The following ADAMTS16 variants were observed in gnomAD, a reference collection of about 807,000 sequenced individuals.
ADAMTS16 encodes the protein A disintegrin and metalloproteinase with thrombospondin motifs 16.
A neutral mutation model predicts 145.8 loss-of-function variants in ADAMTS16; 94 were observed. The observed-to-expected ratio is 0.64, with a 90% CI of 0.55 to 0.77. The LOEUF is 0.77. Among genes scored for constraint, ADAMTS16 ranks in the 30% least tolerant of loss-of-function variants. The probability of loss-of-function intolerance (pLI) is 0.00; values close to 1 mark genes in which losing one functional copy is unlikely to be tolerated. For missense variants in ADAMTS16, 1,585 were observed against 1,591.5 expected (o/e 1.00, Z 0.07); for synonymous variants, 659 against 604.3 (o/e 1.09, Z -1.33).
intron 18 of ADAMTS16, among the ~76,000 whole-genome samples, chr5:5,300,949 G>C (rs1739742704): frequency 6.6e-6 from 1 of 152,158 alleles, no homozygotes; most frequent in Non-Finnish European, 1.5e-5. Context: ...TTCTTACTTA[G>C]ATATCTGTAT....
At chr5:5,184,825 G>A (rs780403064) in intron 4 of ADAMTS16, among the ~76,000 whole-genome samples, 2 of 152,084 alleles carry the variant, frequency 1.3e-5, no homozygotes, top group Non-Finnish European at 2.9e-5. Context: ...CCCCAATACT[G>A]AGGGCCTGTA....
intron 22 of ADAMTS16, 78 bp from the exon 23 acceptor site, chr5:5,318,945 G>T (rs1275302018): frequency 9.0e-7 from 1 of 1,114,398 alleles, no homozygotes; most frequent in Non-Finnish European, 1.3e-6. Flanking sequence ...GCTTTTATTT[G>T]CCAGACAGAG....
intron 3 of ADAMTS16, among the ~76,000 whole-genome samples, chr5:5,174,279 C>T (rs1435798037): frequency 6.6e-6 from 1 of 152,130 alleles, no homozygotes; most frequent in Non-Finnish European, 1.5e-5. Flanking sequence ...GCCACTCTTT[C>T]CTGGCCTGTA....
intron 18 of ADAMTS16, among the ~76,000 whole-genome samples, chr5:5,297,208 T>C (rs1377165700): frequency 6.6e-6 from 1 of 152,136 alleles, no homozygotes; most frequent in East Asian, 1.9e-4. Flanking sequence ...TGGATGCCCT[T>C]TACCCACGAG....
chr5:5,229,241 T>C (rs568262644), intron 11 of ADAMTS16, among the ~76,000 whole-genome samples: 1 of 136,866 alleles, frequency 7.3e-6, no homozygotes, highest in East Asian at 2.1e-4. Context: ...GAGCTTGCAG[T>C]GAGCCGAGAT....
intron 2 of ADAMTS16, chr5:5,142,075 A>C: frequency 6.6e-6 from 1 of 152,158 alleles, no homozygotes; most frequent in East Asian, 1.9e-4. Context: ...AAAAAAAAAA[A>C]AAAAATTCTA....
intron 3 of ADAMTS16, among the ~76,000 whole-genome samples, chr5:5,161,982 A>ATG (rs1553986845): frequency 6.6e-6 from 1 of 152,150 alleles, no homozygotes; most frequent in Non-Finnish European, 1.5e-5. Context: ...TGGGAGAAAA[A>ATG]CGTTTTCTCA....
intron 18 of ADAMTS16, among the ~76,000 whole-genome samples, chr5:5,301,014 G>A (rs1240797708): frequency 6.6e-6 from 1 of 152,162 alleles, no homozygotes; most frequent in Non-Finnish European, 1.5e-5. Flanking sequence ...TAAAGGCTTT[G>A]AAGTATAAGA....
At chr5:5,282,929 AT>A (rs1738975848) in intron 18 of ADAMTS16, among the ~76,000 whole-genome samples, 1 of 151,782 alleles carries the variant, frequency 6.6e-6, no homozygotes. Context: ...ATGTTTAATA[AT>A]TTTTATTAAT....
rs576700530 is a variant in ADAMTS16 at position 5,190,910 on chromosome 5, A to G, written c.1208-775A>G. On this transcript the variant is annotated intron_variant, in intron 7 of 22. Coordinates refer to ENST00000274181, the MANE Select transcript of ADAMTS16 (RefSeq NM_139056.4). ...CCAAAGAGTGGCTCATTGTGCCTAAATTGTGTGTACAAACAGTGTGGTTTC... is the reference window on the plus strand; with the variant it reads ...CCAAAGAGTGGCTCATTGTGCCTAAGTTGTGTGTACAAACAGTGTGGTTTC... Among the ~76,000 whole-genome samples the G allele has an allele frequency of 3.1e-3, 471 of 152,096 alleles. 1 individual carries two copies. The highest frequency in any genetic ancestry group is 0.011 in the African/African-American group (447 of 41,500).
intron 18 of ADAMTS16, among the ~76,000 whole-genome samples, chr5:5,292,493 A>C (rs906210576): frequency 2.8e-5 from 3 of 108,052 alleles, no homozygotes; most frequent in Admixed American, 2.6e-4. Context: ...GTGGGACTCC[A>C]GCTCAAATAA....
rs201913079 is a variant in ADAMTS16, at chr5:5,278,924, C to CA, written c.2789+16149dup. 7.4e-4 allele frequency among the ~76,000 whole-genome samples: 111 copies of CA among 151,010 alleles called. No homozygotes were observed. In the East Asian group the frequency reaches 1.0e-2, roughly 14 times the overall value. On this transcript the variant is annotated intron_variant, in intron 18 of 22. Transcript: ENST00000274181. ...ACCAATAAAAAACCAACCAAACAAA[C>CA]AAAAAAAACAAAACGAAGGGAGAAA...
intron 7 of ADAMTS16, among the ~76,000 whole-genome samples, chr5:5,190,707 G>A (rs760179204): frequency 7.9e-5 from 12 of 152,092 alleles, no homozygotes; most frequent in Non-Finnish European, 1.5e-4. Flanking sequence ...GGGAGGAAGG[G>A]TTTTTGTTTA....
intron 18 of ADAMTS16, among the ~76,000 whole-genome samples, chr5:5,276,987 T>C (rs966332047): frequency 2.6e-5 from 4 of 152,236 alleles, no homozygotes; most frequent in Non-Finnish European, 5.9e-5. Context: ...CACTGCACTC[T>C]GTTAAAGAAA....
At chr5:5,273,061 G>C (rs1048821137) in intron 18 of ADAMTS16, among the ~76,000 whole-genome samples, 2 of 152,180 alleles carry the variant, frequency 1.3e-5, no homozygotes, top group Non-Finnish European at 2.9e-5. Flanking sequence ...TCTGCTGAGA[G>C]AGAGCCCAGT....
At chr5:5,282,203 T>TA (rs1482291824) in intron 18 of ADAMTS16, among the ~76,000 whole-genome samples, 1 of 152,192 alleles carries the variant, frequency 6.6e-6, no homozygotes, top group Non-Finnish European at 1.5e-5. Flanking sequence ...TTGTGGCTGT[T>TA]ACACATTATA....
chr5:5,158,492 A>G (rs1269060061), intron 3 of ADAMTS16, among the ~76,000 whole-genome samples: 2 of 142,350 alleles, frequency 1.4e-5, no homozygotes, highest in African/African-American at 5.0e-5. Context: ...TTTGGGAAGC[A>G]TACACTCCCC....
intron 17 of ADAMTS16, among the ~76,000 whole-genome samples, chr5:5,249,648 G>A (rs753450651): frequency 2.6e-5 from 4 of 152,168 alleles, no homozygotes; most frequent in Non-Finnish European, 5.9e-5. Flanking sequence ...ATCCAGGAAA[G>A]GGTGTCTGCG....
At chr5:5,173,773 A>G (rs183062451) in intron 3 of ADAMTS16, among the ~76,000 whole-genome samples, 72 of 152,288 alleles carry the variant, frequency 4.7e-4, no homozygotes, top group Admixed American at 4.1e-3. Flanking sequence ...CTTTTAACTG[A>G]TGACTGCTCA....
Sources: gnomAD v4.1 joint callset for allele counts (sites outside exome capture counted in the v4.1 genomes callset) on GRCh38, gnomAD v4.1.1 for gene constraint, MANE v1.5 for transcripts, NCBI Gene and HGNC (gene_info 2026-07-23, HGNC 2026-07-21) for gene names.